SLC5A3: variants seen among roughly 807,000 people sequenced by gnomAD.
The protein encoded by SLC5A3 is solute carrier family 5 member 3.
In SLC5A3, 10 loss-of-function variants were observed where a neutral mutation model predicts 43.2. That is an observed-to-expected ratio of 0.23 (90% CI 0.14 to 0.39). The LOEUF is 0.39. Ranked by LOEUF, SLC5A3 falls within the 10% of genes least tolerant of loss-of-function variation. SLC5A3 has a pLI of 1.00. For synonymous variants in SLC5A3, 349 were observed against 322.0 expected, an observed-to-expected ratio of 1.08 and a Z score of -0.90; for missense variants, 608 against 893.4, an observed-to-expected ratio of 0.68 and a Z score of 4.07.
chr21:34,100,569 C>T lies in SLC5A3; in HGVS notation c.*3214C>T. 1 of 1,000,204 alleles carries T rather than the reference C, an allele frequency of 1.0e-6. No individual in the cohort carries two copies. Among genetic ancestry groups the T allele is most frequent in the Non-Finnish European group, 1.2e-6 (1 of 829,982 alleles). The allele number at this position is 1,000,204 out of a possible 1,614,324, so 62.0% of individuals were successfully genotyped here. ...ATCCATTGTATTTTGGCACAAAGAGCCTGGCCAGGGTCATGTAGCCATAGC... is the reference window on the plus strand; with the variant it reads ...ATCCATTGTATTTTGGCACAAAGAGTCTGGCCAGGGTCATGTAGCCATAGC... On this transcript the variant is annotated 3_prime_UTR_variant, in exon 2 of 2. Coordinates refer to ENST00000381151, the MANE Select transcript of SLC5A3 (RefSeq NM_006933.7).
rs539626723 is a variant in SLC5A3, at chr21:34,090,099, A to T, written c.-336-4764A>T. Among the ~76,000 whole-genome samples the T allele has an allele frequency of 1.5e-4, 23 of 152,316 alleles. No individual in the cohort carries two copies. In the East Asian group the frequency reaches 4.4e-3, roughly 29 times the overall value. ...AAAAAGTTTTGGATTTGGGAGGAGC[A>T]TTTCAGATTTTGTATTTTTGCATTA... On this transcript the variant is annotated intron_variant, in intron 1 of 1. Coordinates refer to ENST00000381151, the MANE Select transcript of SLC5A3 (RefSeq NM_006933.7).
At chr21:34,087,085 G>C (rs887563095) in intron 1 of SLC5A3, among the ~76,000 whole-genome samples, 1 of 152,216 alleles carries the variant, frequency 6.6e-6, no homozygotes, top group Admixed American at 6.5e-5. Flanking sequence ...ACTGGTGGTA[G>C]GTGGTAGGTT....
chr21:34,083,652 G>A (rs1303939055), intron 1 of SLC5A3, among the ~76,000 whole-genome samples: 1 of 152,182 alleles, frequency 6.6e-6, no homozygotes, highest in African/African-American at 2.4e-5. Context: ...GAAAACAGTT[G>A]TATGAAGTAT....
rs1979117376 is a variant in SLC5A3 at position 34,099,199 on chromosome 21, T to C, written c.*1844T>C. 1 of 999,956 alleles carries C rather than the reference T, an allele frequency of 1.0e-6. No homozygotes were observed. The highest frequency in any genetic ancestry group is 4.7e-5 in the South Asian group (1 of 21,288). The allele number at this position is 999,956 out of a possible 1,614,324, so 61.9% of individuals were successfully genotyped here. A position where few individuals can be genotyped will look rare whatever the true frequency, so the allele number is the denominator to read the frequency against. ...CTTAGAGTGCCTTGTAGAATTTTTT[T>C]CTCAATTTTATTCTTGAGGTTTATA... is the stretch of plus-strand genomic sequence containing the variant. On this transcript the variant is annotated 3_prime_UTR_variant, in exon 2 of 2. Transcript: ENST00000381151.
chr21:34,079,965 G>A (rs1036650190), intron 1 of SLC5A3, among the ~76,000 whole-genome samples: 5 of 152,020 alleles, frequency 3.3e-5, no homozygotes, highest in African/African-American at 1.2e-4. Context: ...GTCATCTGGG[G>A]CTGAACAAAT....
Position 34,100,296 on chromosome 21 carries a change from A to G in SLC5A3, c.*2941A>G. On this transcript the variant is annotated 3_prime_UTR_variant, in exon 2 of 2. Transcript: ENST00000381151. ...AGAAGGGCATATTACATTGGTATGC[A>G]GGATGATTATTGCATATTTTGTGGG... The G allele has an allele frequency of 1.0e-6, 1 of 1,000,234 alleles. No individual in the cohort carries two copies. Among genetic ancestry groups the G allele is most frequent in the Non-Finnish European group, 1.2e-6 (1 of 829,946 alleles). The allele number at this position is 1,000,234 out of a possible 1,614,324, so 62.0% of individuals were successfully genotyped here. A position where few individuals can be genotyped will look rare whatever the true frequency, so the allele number is the denominator to read the frequency against.
chr21:34,097,033 A>G lies in SLC5A3; in HGVS notation c.1835A>G (p.Glu612Gly). 6.2e-7 allele frequency: 1 copy of G among 1,614,054 alleles called. No homozygotes were observed. The highest frequency in any genetic ancestry group is 1.1e-5 in the South Asian group (1 of 91,082). Residue 612 changes from glutamate to glycine, a missense_variant, in exon 2 of 2, where the codon GAG becomes GGG. Transcript: ENST00000381151. The part of the protein sequence containing the change: ...DVNLLVTCRE[E>G]GNPVASLGHS... Reference sequence around the variant, plus strand: ...AATCTGTTGGTAACCTGCAGAGAGGAGGGCAACCCAGTGGCATCCTTAGGT... The same window carrying G: ...AATCTGTTGGTAACCTGCAGAGAGGGGGGCAACCCAGTGGCATCCTTAGGT...
rs1979321984 is a variant in SLC5A3 at position 34,103,146 on chromosome 21, G to T, written c.*5791G>T. On this transcript the variant is annotated 3_prime_UTR_variant, in exon 2 of 2. Coordinates refer to ENST00000381151, the MANE Select transcript of SLC5A3 (RefSeq NM_006933.7). ...ATTGCAGAAATCCCAAACTGGCAAA[G>T]GCCAGTATATATGGTATTCCATAAT... The T allele has an allele frequency of 1.0e-6, 1 of 999,698 alleles. No homozygotes were observed. Among genetic ancestry groups the T allele is most frequent in the Non-Finnish European group, 1.2e-6 (1 of 829,590 alleles). The allele number at this position is 999,698 out of a possible 1,614,324, so 61.9% of individuals were successfully genotyped here.
At position 34,091,141 on chromosome 21, in the gene SLC5A3, C is replaced by T. The variant is rs140526092; in HGVS notation, c.-336-3722C>T. On this transcript the variant is annotated intron_variant, in intron 1 of 1. Coordinates refer to ENST00000381151, the MANE Select transcript of SLC5A3 (RefSeq NM_006933.7). ...CAGGGCTCATCAAGCTTACCATTGA[C>T]AGAGTGCTGGACTAGGCGTCTCAGA... Among the ~76,000 whole-genome samples, 67 of 152,300 alleles carry T rather than the reference C, an allele frequency of 4.4e-4. 2 individuals carry two copies. The East Asian group carries it at 0.01, about 23-fold the overall frequency.
chr21:34,095,676 G>A lies in SLC5A3; in HGVS notation c.478G>A (p.Val160Met), dbSNP rs1474909191. ...GGAGTCTTTGGGTTGGAATCTTTAT[G>A]TGTCTGTCATCCTGCTCATTGGCAT... ...IQESLGWNLY[V>M]SVILLIGMTA... Residue 160 changes from valine to methionine, a missense_variant, in exon 2 of 2, where the codon GTG becomes ATG. Around this residue, in one of 2 missense-constraint regions of SLC5A3, gnomAD observed 398 missense variants for 668.6 expected, o/e 0.60. Transcript: ENST00000381151. The A allele has an allele frequency of 2.5e-6, 4 of 1,613,532 alleles. No homozygotes were observed. In the East Asian group the frequency reaches 8.9e-5, roughly 36 times the overall value.
At chr21:34,087,821 T>C (rs959273241) in intron 1 of SLC5A3, among the ~76,000 whole-genome samples, 2 of 152,136 alleles carry the variant, frequency 1.3e-5, no homozygotes. Flanking sequence ...GATGGAATGG[T>C]GATTTGAACT....
rs780323643 is a variant in SLC5A3 at position 34,073,718 on chromosome 21, G to A, written c.-364G>A. ...CTCCAGGCATGCCCCGCTACGAGCT[G>A]GCTTTAATCCTGAAAGCCATGCAGC... On this transcript the variant is annotated 5_prime_UTR_variant, in exon 1 of 2. Transcript: ENST00000381151. The A allele has an allele frequency of 5.2e-6, 8 of 1,529,774 alleles. No homozygotes were observed. The Middle Eastern group carries it at 5.8e-4, about 112-fold the overall frequency. 94.8% of individuals were successfully genotyped at this position (1,529,774 alleles called of 1,614,324 possible).
rs1979221123 is a variant in SLC5A3 at position 34,101,202 on chromosome 21, T to C, written c.*3847T>C. 3 of 1,000,112 alleles carry C rather than the reference T, an allele frequency of 3.0e-6. No homozygotes were observed. The highest frequency in any genetic ancestry group is 3.6e-6 in the Non-Finnish European group (3 of 829,924). The allele number at this position is 1,000,112 out of a possible 1,614,324, so 62.0% of individuals were successfully genotyped here. A position where few individuals can be genotyped will look rare whatever the true frequency, so the allele number is the denominator to read the frequency against. On this transcript the variant is annotated 3_prime_UTR_variant, in exon 2 of 2. Transcript: ENST00000381151. ...GCCCGTTGGTAAAAGACAACAAATA[T>C]TAGCTTAAAATCTGCATATGTAGAA...
In SLC5A3 at chr21:34,082,102, T is replaced by C. The variant is rs1219532714; in HGVS notation, c.-337+8357T>C. ...CAACTAATTGAATACTTAGGTACCATGGATCAAATGTAATGTATCTGTGGG... is the reference window on the plus strand; with the variant it reads ...CAACTAATTGAATACTTAGGTACCACGGATCAAATGTAATGTATCTGTGGG... On this transcript the variant is annotated intron_variant, in intron 1 of 1. Coordinates refer to ENST00000381151, the MANE Select transcript of SLC5A3 (RefSeq NM_006933.7). Among the ~76,000 whole-genome samples, 5 of 151,934 alleles carry C rather than the reference T, an allele frequency of 3.3e-5. No individual in the cohort carries two copies. In the East Asian group the frequency reaches 7.7e-4, roughly 23 times the overall value.
intron 1 of SLC5A3, among the ~76,000 whole-genome samples, chr21:34,086,579 G>A (rs1028260317): frequency 2.6e-5 from 4 of 151,340 alleles, no homozygotes; most frequent in Middle Eastern, 6.9e-3. Flanking sequence ...AAAAGGATGC[G>A]TTCTTCATCT....
chr21:34,077,900 T>G (rs1389142562), intron 1 of SLC5A3, among the ~76,000 whole-genome samples: 1 of 152,106 alleles, frequency 6.6e-6, no homozygotes, highest in Admixed American at 6.5e-5. Context: ...CTGGCAAAAG[T>G]TTTGTATTTG....
In SLC5A3 at chr21:34,097,878, C is replaced by G; in HGVS notation, c.*523C>G. The G allele has an allele frequency of 1.0e-6, 1 of 997,558 alleles. No homozygotes were observed. Among genetic ancestry groups the G allele is most frequent in the Non-Finnish European group, 1.2e-6 (1 of 827,580 alleles). 61.8% of individuals were successfully genotyped at this position (997,558 alleles called of 1,614,324 possible). A position where few individuals can be genotyped will look rare whatever the true frequency, so the allele number is the denominator to read the frequency against. ...TCAGGACAAGTTCATTTGCCAGGTT[C>G]ATTTTGTTAGCATGAGCCTACGGAT... On this transcript the variant is annotated 3_prime_UTR_variant, in exon 2 of 2. Coordinates refer to ENST00000381151, the MANE Select transcript of SLC5A3 (RefSeq NM_006933.7).
At chr21:34,089,202 G>GT (rs11446934) in intron 1 of SLC5A3, among the ~76,000 whole-genome samples, 140,957 of 151,640 alleles carry the variant, frequency 0.93, 65,582 homozygotes, top group Admixed American at 0.95. Flanking sequence ...TGATTTTTGT[G>GT]TTTTTTTAGA....
intron 1 of SLC5A3, among the ~76,000 whole-genome samples, chr21:34,093,006 A>G (rs1195321249): frequency 6.6e-6 from 1 of 152,180 alleles, no homozygotes; most frequent in African/African-American, 2.4e-5. Flanking sequence ...AGCAGTTTTC[A>G]TTGTAATTGA....
Sources: gnomAD v4.1 joint callset for allele counts (sites outside exome capture counted in the v4.1 genomes callset) on GRCh38, gnomAD v4.1.1 for gene constraint, gnomAD v4.1.1 regional missense constraint, MANE v1.5 for transcripts, NCBI Gene and HGNC (gene_info 2026-07-23, HGNC 2026-07-21) for gene names.